Variants in SHBG observed in about 807,000 individuals in gnomAD.
SHBG encodes sex hormone-binding globulin.
In SHBG, 37 loss-of-function variants were observed where a neutral mutation model predicts 41.9. The observed-to-expected ratio is 0.88, with a 90% confidence interval of 0.68 to 1.16. SHBG has a LOEUF of 1.16. Among genes scored for constraint, SHBG ranks in the 50% most tolerant of loss-of-function variants. The probability of loss-of-function intolerance (pLI) is 0.00; values close to 1 mark genes in which losing one functional copy is unlikely to be tolerated. For missense variants in SHBG, 466 were observed against 499.9 expected (o/e 0.93, Z 0.65); for synonymous variants, 217 against 205.8 (o/e 1.05, Z -0.47).
chr17:7,616,030 G>A (rs1385235386), intron 1 of SHBG, among the ~76,000 whole-genome samples: 1 of 151,646 alleles, frequency 6.6e-6, no homozygotes, highest in Non-Finnish European at 1.5e-5. Flanking sequence ...GGACGGGCGC[G>A]GTGGCTCAGG....
At chr17:7,614,438 G>A in intron 1 of SHBG, 1 of 1,523,366 alleles carries the variant, frequency 6.6e-7, no homozygotes, top group East Asian at 2.5e-5. Context: ...TCCCCAGTCG[G>A]CGCGCCGTCT....
upstream of SHBG, chr17:7,627,372 T>C (rs770693140): frequency 1.2e-6 from 2 of 1,614,156 alleles, no homozygotes. The surrounding 1 kb of genome is among the most constrained non-coding windows in gnomAD (Gnocchi z 4.8). Context: ...CCTTCTTCAC[T>C]GATCTTCACC....
At chr17:7,614,184 A>AGCCT in intron 1 of SHBG, 1 of 661,742 alleles carries the variant, frequency 1.5e-6, no homozygotes. Context: ...CGGAGCGGGG[A>AGCCT]GCGCCAAGCC....
chr17:7,631,777 A>G, intron 5 of SHBG, 29 bp downstream of exon 5: 1 of 1,612,512 alleles, frequency 6.2e-7, no homozygotes, highest in Non-Finnish European at 8.5e-7. Flanking sequence ...TATTTTTCCC[A>G]CCCTGGCCAG....
chr17:7,630,593 T>C lies in SHBG; in HGVS notation c.203+86T>C. On this transcript the variant is annotated intron_variant, in intron 2 of 7. Coordinates refer to ENST00000380450, the MANE Select transcript of SHBG (RefSeq NM_001040.5). This position sits in a 1 kb window ranked among gnomAD's most constrained non-coding sequence, Gnocchi z 4.6. The stretch of plus-strand genomic sequence containing the variant: ...TTCTCTTTTCCCTGTCTTCCTTTCC[T>C]TATCTGTGAACACCATCTCCCCCAA... The C allele has an allele frequency of 3.9e-6, 6 of 1,540,828 alleles. No individual in the cohort carries two copies. Among genetic ancestry groups the C allele is most frequent in the Non-Finnish European group, 5.4e-6 (6 of 1,114,862 alleles).
chr17:7,632,861 C>T lies in SHBG; in HGVS notation c.962C>T (p.Ser321Leu). Reference protein sequence around the residue: ...SMSRVVLSQGSKMKALALPPL... With the variant: ...SMSRVVLSQGLKMKALALPPL... ...TCCAGGGTGGTCTTGAGCCAAGGGT[C>T]GAAGATGAAGGCCCTTGCCCTGCCT... The change falls in exon 7 of 8, where the codon TCG (serine) becomes TTG (leucine). Residue 321 changes from serine to leucine, a missense_variant. Coordinates refer to ENST00000380450, the MANE Select transcript of SHBG (RefSeq NM_001040.5). The T allele has an allele frequency of 3.1e-6, 5 of 1,614,104 alleles. No individual in the cohort carries two copies. The highest frequency in any genetic ancestry group is 2.2e-5 in the East Asian group (1 of 44,876).
chr17:7,627,714 G>T, upstream of SHBG: 1 of 1,527,368 alleles, frequency 6.5e-7, no homozygotes, highest in Non-Finnish European at 9.1e-7. The surrounding 1 kb of genome is among the most constrained non-coding windows in gnomAD (Gnocchi z 4.8). Context: ...CTACGGACTT[G>T]GATCCTGAAG....
At chr17:7,627,617 G>A, upstream of SHBG, 1 of 1,613,514 alleles carries the variant, frequency 6.2e-7, no homozygotes, top group Non-Finnish European at 8.5e-7. This position sits in a 1 kb window ranked among gnomAD's most constrained non-coding sequence, Gnocchi z 4.8. Flanking sequence ...TTGGCCTCTC[G>A]GATCCGCACG....
upstream of SHBG, among the ~76,000 whole-genome samples, chr17:7,623,388 C>G (rs1345405163): frequency 6.6e-6 from 1 of 152,196 alleles, no homozygotes; most frequent in Non-Finnish European, 1.5e-5. Context: ...GAAACTCCAT[C>G]TCAAACAAAC....
At chr17:7,630,048 C>A (rs978199052), upstream of SHBG, 2 of 809,792 alleles carry the variant, frequency 2.5e-6, no homozygotes, top group Admixed American at 3.5e-5. The surrounding 1 kb of genome is among the most constrained non-coding windows in gnomAD (Gnocchi z 4.6). Context: ...GGGTCAGTGC[C>A]CCTGTTTCCT....
In SHBG at chr17:7,631,405, A is replaced by G. The variant is rs1308649435; in HGVS notation, c.555+44A>G. ...TGGAACCCTAGCCAAGACTTGGTAA[A>G]GCACTGCTGGGTGGCTGGCCGTGGG... is the stretch of plus-strand genomic sequence containing the variant. On this transcript the variant is annotated intron_variant, in intron 4 of 7. Transcript: ENST00000380450. 1.9e-6 allele frequency: 3 copies of G among 1,603,916 alleles called. No homozygotes were observed. The African/African-American group carries it at 4.0e-5, about 21-fold the overall frequency.
chr17:7,621,403 C>A lies in SHBG; in HGVS notation c.-62+7292C>A, dbSNP rs369602950. ...TCTGAGGTCAGGAGTTTGAGACCAGCCTGGCCAACATGGTGAAAACCCATC... is the reference window on the plus strand; with the variant it reads ...TCTGAGGTCAGGAGTTTGAGACCAGACTGGCCAACATGGTGAAAACCCATC... On this transcript the variant is annotated intron_variant, in intron 1 of 5. Coordinates refer to the SHBG transcript ENST00000570547. Among the ~76,000 whole-genome samples the A allele has an allele frequency of 3.6e-5, 5 of 137,560 alleles. 1 individual carries two copies. The South Asian group carries it at 1.2e-3, about 34-fold the overall frequency. 90.2% of individuals were successfully genotyped at this position (137,560 alleles called of 152,430 possible). A position where few individuals can be genotyped will look rare whatever the true frequency, so the allele number is the denominator to read the frequency against.
At chr17:7,626,727 A>G, upstream of SHBG, 1 of 1,613,866 alleles carries the variant, frequency 6.2e-7, no homozygotes, top group Non-Finnish European at 8.5e-7. Context: ...TCAGGTCCTC[A>G]CTTGTCGCCC....
At chr17:7,624,131 T>C (rs1322420013), upstream of SHBG, among the ~76,000 whole-genome samples, 1 of 152,120 alleles carries the variant, frequency 6.6e-6, no homozygotes, top group African/African-American at 2.4e-5. Context: ...TTTGTATTTT[T>C]AGTAGAAACA....
intron 1 of SHBG, among the ~76,000 whole-genome samples, chr17:7,618,678 C>T (rs556009211): frequency 4.6e-5 from 7 of 151,996 alleles, no homozygotes; most frequent in East Asian, 3.9e-4. Context: ...ATTTACCTCC[C>T]GGTACTCTTT....
upstream of SHBG, among the ~76,000 whole-genome samples, chr17:7,623,143 A>C (rs1265426833): frequency 6.6e-6 from 1 of 152,178 alleles, no homozygotes; most frequent in Non-Finnish European, 1.5e-5. Flanking sequence ...CTGCAATCCC[A>C]GCACTTTTGG....
chr17:7,630,245 C>T lies in SHBG; in HGVS notation c.73C>T (p.Arg25Cys), dbSNP rs771580906. The T allele has an allele frequency of 3.4e-5, 55 of 1,609,986 alleles. 1 individual carries two copies. In the African/African-American group the frequency reaches 3.9e-4, roughly 11 times the overall value. The change falls in exon 1 of 8, where the codon CGC becomes TGC. Residue 25 changes from arginine to cysteine, a missense_variant. Arg to Cys is a radical substitution (Grantham distance 180, BLOSUM62 -3). Transcript: ENST00000380450. The surrounding 1 kb of genome is among the most constrained non-coding windows in gnomAD (Gnocchi z 4.6). ...LLLLLLLRHT[R>C]QGWALRPVLP... ...GCTGTTGCTACTACTGCGTCACACC[C>T]GCCAGGGATGGGCCCTGAGACCTGT...
upstream of SHBG, among the ~76,000 whole-genome samples, chr17:7,624,039 C>T (rs1191082284): frequency 6.6e-6 from 1 of 152,186 alleles, no homozygotes; most frequent in South Asian, 2.1e-4. Context: ...GCAAACTCCA[C>T]CTCCTAGGTT....
Position 7,632,906 on chromosome 17 carries a change from T to G in SHBG, c.1007T>G (p.Leu336Arg). The G allele has an allele frequency of 1.2e-6, 2 of 1,614,118 alleles. No individual in the cohort carries two copies. Among genetic ancestry groups the G allele is most frequent in the Non-Finnish European group, 1.7e-6 (2 of 1,180,004 alleles). The part of the protein sequence containing the change: ...LALPPLGLAP[L>R]LNLWAKPQGR... ...CTGCCTCCCTTAGGCCTGGCTCCCC[T>G]CCTTAACCTCTGGGCCAAGCCTCAA... The change falls in exon 7 of 8, where the codon CTC becomes CGC. Residue 336 changes from leucine (L) to arginine (R), a missense_variant. By Grantham distance (102) the Leu-to-Arg change is moderately radical. Transcript: ENST00000380450.
Sources: gnomAD v4.1 joint callset for allele counts (sites outside exome capture counted in the v4.1 genomes callset) on GRCh38, gnomAD v4.1.1 for gene constraint, Gnocchi (gnomAD v3.1) non-coding constraint, MANE v1.5 for transcripts, NCBI Gene and HGNC (gene_info 2026-07-23, HGNC 2026-07-21) for gene names.